Variants in PDE11A observed in about 807,000 individuals in gnomAD.
PDE11A encodes dual 3',5'-cyclic-AMP and -GMP phosphodiesterase 11A.
Under a neutral mutation model 100.5 loss-of-function variants are expected in PDE11A, and 100 were observed. The ratio of observed to expected loss-of-function variants is 1.00; its 90% confidence interval spans 0.85 to 1.18. The LOEUF (loss-of-function observed/expected upper bound fraction) is 1.18, where lower values mean the gene tolerates loss of function less well. PDE11A is among the 50% of genes most tolerant of loss of function. PDE11A has a pLI of 0.00. For synonymous variants in PDE11A, 381 were observed against 420.8 expected (o/e 0.91, Z 1.16); for missense variants, 1,141 against 1,152.6 (o/e 0.99, Z 0.15).
At chr2:177,697,986 G>A (rs910429018) in intron 14 of PDE11A, among the ~76,000 whole-genome samples, 1 of 152,150 alleles carries the variant, frequency 6.6e-6, no homozygotes. Context: ...AATGGCTAAG[G>A]TGCTACTGGC....
At chr2:177,633,539 C>G (rs185459012) in intron 19 of PDE11A, among the ~76,000 whole-genome samples, 1 of 152,336 alleles carries the variant, frequency 6.6e-6, no homozygotes, top group East Asian at 1.9e-4. Flanking sequence ...TGATATTTAT[C>G]ACACTAAACA....
chr2:177,855,903 AACACACACACACACACACACACACAC>A (rs57202805), intron 5 of PDE11A, among the ~76,000 whole-genome samples: 19 of 139,574 alleles, frequency 1.4e-4, no homozygotes, highest in Admixed American at 1.4e-4. Context: ...GAACGTATGC[AACACACACACACACACACACACACAC>A]ACACACACAC....
intron 2 of PDE11A, among the ~76,000 whole-genome samples, chr2:177,938,391 G>A (rs13009350): frequency 0.086 from 13,163 of 152,196 alleles, 544 homozygotes; most frequent in South Asian, 0.099. Flanking sequence ...CAGTCTAAAG[G>A]TGTGTGGTGC....
intron 12 of PDE11A, among the ~76,000 whole-genome samples, chr2:177,717,081 G>C (rs1340890187): frequency 1.3e-5 from 2 of 152,070 alleles, no homozygotes; most frequent in Non-Finnish European, 2.9e-5. Flanking sequence ...TAATATCAAA[G>C]ACTATGGAGC....
intron 5 of PDE11A, among the ~76,000 whole-genome samples, chr2:177,860,610 G>C (rs959378647): frequency 6.6e-6 from 1 of 151,614 alleles, no homozygotes; most frequent in African/African-American, 2.4e-5. Context: ...ATTCTATGAG[G>C]GTAGCATTGC....
chr2:177,803,106 T>A (rs1411199310), intron 9 of PDE11A, among the ~76,000 whole-genome samples: 1 of 151,742 alleles, frequency 6.6e-6, no homozygotes, highest in Non-Finnish European at 1.5e-5. Context: ...TCACTTCAAG[T>A]AAGGACTAAA....
chr2:178,015,815 C>T (rs913004234), intron 1 of PDE11A, among the ~76,000 whole-genome samples: 2 of 152,084 alleles, frequency 1.3e-5, no homozygotes, highest in Admixed American at 1.3e-4. Flanking sequence ...AAAAGATTGG[C>T]TCCTGAGTAA....
intron 13 of PDE11A, among the ~76,000 whole-genome samples, chr2:177,709,155 A>G (rs1359329143): frequency 3.3e-5 from 5 of 152,186 alleles, no homozygotes; most frequent in Non-Finnish European, 2.9e-5. Context: ...CAGGAGTCCG[A>G]ATGAAAAGGG....
chr2:177,707,652 C>T (rs1474816049), intron 13 of PDE11A, among the ~76,000 whole-genome samples: 1 of 152,154 alleles, frequency 6.6e-6, no homozygotes, highest in Non-Finnish European at 1.5e-5. Context: ...TCTGCATGAG[C>T]CTGCAGCTTG....
chr2:177,783,579 G>A (rs1205571301), intron 9 of PDE11A, among the ~76,000 whole-genome samples: 1 of 152,076 alleles, frequency 6.6e-6, no homozygotes, highest in Non-Finnish European at 1.5e-5. Context: ...TTGCAATATA[G>A]GCAAGAAAAA....
rs182868531 is a variant in PDE11A at position 177,769,686 on chromosome 2, A to G, written c.1738-313T>C. On this transcript the variant is annotated intron_variant, in intron 9 of 19. Transcript: ENST00000286063. ...CAGATCACTTGAGCCCAGGAATTTG[A>G]GACCAGCCTGGGCAACATGGCGAAA... Among the ~76,000 whole-genome samples, 941 of 152,204 alleles carry G rather than the reference A, an allele frequency of 6.2e-3. 5 individuals are homozygous for G. Among genetic ancestry groups the G allele is most frequent in the African/African-American group, 0.022 (896 of 41,516 alleles).
chr2:178,077,300 C>T (rs2087220965), upstream of PDE11A, among the ~76,000 whole-genome samples: 1 of 135,982 alleles, frequency 7.4e-6, no homozygotes, highest in Admixed American at 7.8e-5. Context: ...GAGTCTCACT[C>T]TGCTGCCCAG....
intron 2 of PDE11A, among the ~76,000 whole-genome samples, chr2:177,958,695 C>G (rs1198373925): frequency 6.6e-6 from 1 of 152,162 alleles, no homozygotes; most frequent in Non-Finnish European, 1.5e-5. Flanking sequence ...GGACATAATT[C>G]CTTAAACTGA....
chr2:178,047,190 G>A lies in PDE11A; in HGVS notation c.912+24336C>T, dbSNP rs530640508. On this transcript the variant is annotated intron_variant, in intron 1 of 19. Transcript: ENST00000286063. ...CTAGATATCACCCAAGGCCGGGCATGGTGGCTCATGCCTGTAATCCCAACA... is the reference window on the plus strand; with the variant it reads ...CTAGATATCACCCAAGGCCGGGCATAGTGGCTCATGCCTGTAATCCCAACA... Among the ~76,000 whole-genome samples the A allele has an allele frequency of 1.4e-4, 21 of 152,214 alleles. No homozygotes were observed. In the South Asian group the frequency reaches 3.3e-3, roughly 24 times the overall value.
intron 2 of PDE11A, among the ~76,000 whole-genome samples, chr2:177,961,242 G>A (rs1263163768): frequency 6.6e-6 from 1 of 151,640 alleles, no homozygotes; most frequent in African/African-American, 2.4e-5. Context: ...AGAAGAGAAT[G>A]TGAATTTTGG....
At chr2:177,993,522 T>C (rs888127026) in intron 2 of PDE11A, among the ~76,000 whole-genome samples, 2 of 152,220 alleles carry the variant, frequency 1.3e-5, no homozygotes, top group Non-Finnish European at 2.9e-5. Flanking sequence ...GCAGCCTTTA[T>C]GTCTTTAACA....
chr2:177,725,966 C>T (rs2081593920), intron 12 of PDE11A, among the ~76,000 whole-genome samples: 1 of 152,066 alleles, frequency 6.6e-6, no homozygotes, highest in Non-Finnish European at 1.5e-5. Context: ...TAGGTTTTCC[C>T]AAATAATGGG....
chr2:177,695,702 A>C (rs1432926584), intron 15 of PDE11A, among the ~76,000 whole-genome samples: 3 of 152,158 alleles, frequency 2.0e-5, no homozygotes, highest in Admixed American at 2.0e-4. Context: ...CTAAAGGTAG[A>C]ATAAGGGGAG....
intron 1 of PDE11A, among the ~76,000 whole-genome samples, chr2:178,047,788 C>T (rs1293235433): frequency 6.6e-6 from 1 of 152,092 alleles, no homozygotes; most frequent in Non-Finnish European, 1.5e-5. Context: ...AATTTTAGAG[C>T]TGAGAGAGTC....
Sources: allele counts gnomAD v4.1 joint callset (sites outside exome capture counted in the v4.1 genomes callset), GRCh38; gene constraint gnomAD v4.1.1; transcripts MANE v1.5; gene names NCBI Gene and HGNC (gene_info 2026-07-23, HGNC 2026-07-21).